The following KIAA1958 variants were observed in gnomAD, a reference collection of about 807,000 sequenced individuals.
KIAA1958 encodes the protein KIAA1958.
Under a neutral mutation model 47.2 loss-of-function variants are expected in KIAA1958, and 14 were observed. The ratio of observed to expected loss-of-function variants is 0.30; its 90% CI spans 0.20 to 0.46. KIAA1958 has a LOEUF of 0.46. Among genes scored for constraint, KIAA1958 ranks in the 20% least tolerant of loss-of-function variants. The pLI is 1.00. For synonymous variants in KIAA1958, 354 were observed against 353.3 expected (o/e 1.00, Z -0.02); for missense variants, 803 against 909.2 (o/e 0.88, Z 1.50).
chr9:112,615,380 A>G (rs1836392854), intron 2 of KIAA1958, among the ~76,000 whole-genome samples: 2 of 145,690 alleles, frequency 1.4e-5, no homozygotes. Flanking sequence ...AGATCATGCC[A>G]TTGCACTCCA....
intron 1 of KIAA1958, among the ~76,000 whole-genome samples, chr9:112,545,021 G>C (rs1330055800): frequency 6.6e-6 from 1 of 152,006 alleles, no homozygotes; most frequent in Non-Finnish European, 1.5e-5. Flanking sequence ...TTAGGATTCA[G>C]TTCATTAATG....
intron 1 of KIAA1958, among the ~76,000 whole-genome samples, chr9:112,492,149 A>G (rs1833980749): frequency 6.6e-6 from 1 of 152,232 alleles, no homozygotes; most frequent in South Asian, 2.1e-4. Context: ...ATAACAAAGA[A>G]TCACAGATTG....
intron 2 of KIAA1958, among the ~76,000 whole-genome samples, chr9:112,580,633 A>G (rs1835720163): frequency 6.6e-6 from 1 of 152,130 alleles, no homozygotes. Context: ...CTGAAAATAC[A>G]AAAATTAGCC....
intron 2 of KIAA1958, among the ~76,000 whole-genome samples, chr9:112,616,537 TAAAC>T (rs752749710): frequency 1.3e-5 from 2 of 152,218 alleles, no homozygotes; most frequent in South Asian, 2.1e-4. Context: ...ATAATTAAGA[TAAAC>T]AAAATACTTT....
intron 3 of KIAA1958, among the ~76,000 whole-genome samples, chr9:112,656,587 A>T (rs1421254834): frequency 6.6e-6 from 1 of 152,116 alleles, no homozygotes; most frequent in Non-Finnish European, 1.5e-5. Context: ...TTATATTTAT[A>T]TACTTTGGGT....
At position 112,499,949 on chromosome 9, in the gene KIAA1958, A is replaced by C. The variant is rs571412181; in HGVS notation, c.-25+12831A>C. Among the ~76,000 whole-genome samples, 10 of 151,846 alleles carry C rather than the reference A, an allele frequency of 6.6e-5. No individual in the cohort carries two copies. The East Asian group carries it at 1.9e-3, about 30-fold the overall frequency. ...GTGATCCACCCACCTCGGCCTCCCA[A>C]AATGTTGGGATTACAGGCGTGAGCC... is the stretch of plus-strand genomic sequence containing the variant. On this transcript the variant is annotated intron_variant, in intron 1 of 3. Transcript: ENST00000337530.
chr9:112,537,218 G>A (rs968145302), intron 1 of KIAA1958, among the ~76,000 whole-genome samples: 3 of 151,878 alleles, frequency 2.0e-5, no homozygotes, highest in Non-Finnish European at 2.9e-5. Context: ...TGATTCTCCC[G>A]CCTCAGCCTC....
intron 1 of KIAA1958, among the ~76,000 whole-genome samples, chr9:112,573,709 C>T (rs755442792): frequency 6.6e-6 from 1 of 152,212 alleles, no homozygotes; most frequent in Admixed American, 6.5e-5. Context: ...ACCTCTCTGT[C>T]AGTGACTTTG....
chr9:112,573,980 T>C, intron 1 of KIAA1958, 77 bp from the exon 2 acceptor site: 1 of 768,810 alleles, frequency 1.3e-6, no homozygotes, highest in Non-Finnish European at 2.1e-6. Flanking sequence ...TGATCATATT[T>C]GGAACAAACT....
At chr9:112,561,559 T>C (rs558869546) in intron 1 of KIAA1958, among the ~76,000 whole-genome samples, 2 of 152,226 alleles carry the variant, frequency 1.3e-5, no homozygotes, top group African/African-American at 4.8e-5. Context: ...ATGATTTCTC[T>C]TAAAAGAAAC....
chr9:112,635,635 C>G (rs2060904342), intron 2 of KIAA1958, among the ~76,000 whole-genome samples: 2 of 152,166 alleles, frequency 1.3e-5, no homozygotes, highest in South Asian at 4.1e-4. Flanking sequence ...AGATATTTGT[C>G]CATTTTATCC....
chr9:112,560,574 A>G (rs1213837392), intron 1 of KIAA1958, among the ~76,000 whole-genome samples: 1 of 152,118 alleles, frequency 6.6e-6, no homozygotes, highest in East Asian at 1.9e-4. Flanking sequence ...TTATATTACA[A>G]ATTATTTTAA....
intron 1 of KIAA1958, among the ~76,000 whole-genome samples, chr9:112,515,894 T>TAAAAAAAA (rs58492221): frequency 1.0e-4 from 10 of 97,102 alleles, no homozygotes; most frequent in African/African-American, 1.2e-4. Flanking sequence ...AAAAATAAAT[T>TAAAAAAAA]AAAAAAAAAA....
chr9:112,519,955 T>C (rs971632875), intron 1 of KIAA1958, among the ~76,000 whole-genome samples: 3 of 152,190 alleles, frequency 2.0e-5, no homozygotes, highest in African/African-American at 7.2e-5. Flanking sequence ...TTATACAATA[T>C]TGCAGGAAGT....
chr9:112,540,167 A>T (rs531760630), intron 1 of KIAA1958, among the ~76,000 whole-genome samples: 2 of 152,328 alleles, frequency 1.3e-5, no homozygotes, highest in Non-Finnish European at 2.9e-5. Flanking sequence ...ATATGGAAGG[A>T]TATATGATAG....
intron 1 of KIAA1958, among the ~76,000 whole-genome samples, chr9:112,536,991 A>T (rs920409312): frequency 2.6e-5 from 4 of 152,212 alleles, no homozygotes; most frequent in African/African-American, 9.7e-5. Flanking sequence ...CTACTTTAAT[A>T]TTAGAGACTC....
chr9:112,626,823 CAAA>C (rs35640010), intron 2 of KIAA1958, among the ~76,000 whole-genome samples: 4 of 133,928 alleles, frequency 3.0e-5, no homozygotes, highest in Non-Finnish European at 6.5e-5. Context: ...GCATTTGTTA[CAAA>C]AAAAAAAAAA....
intron 2 of KIAA1958, among the ~76,000 whole-genome samples, chr9:112,643,053 T>C (rs1364433536): frequency 3.3e-5 from 5 of 152,236 alleles, no homozygotes; most frequent in Non-Finnish European, 5.9e-5. Context: ...ACAGTAGTGG[T>C]CATCTAAACA....
In KIAA1958 at chr9:112,522,755, C is replaced by A. The variant is rs958236726; in HGVS notation, c.-25+35637C>A. Among the ~76,000 whole-genome samples the A allele has an allele frequency of 2.6e-5, 4 of 152,294 alleles. No individual in the cohort carries two copies. In the East Asian group the frequency reaches 7.7e-4, roughly 29 times the overall value. ...TCAGCCCCTTTACCCAGCCCTGAGA[C>A]TAAAGCTGGGCAAGATGAATGTTCT... On this transcript the variant is annotated intron_variant, in intron 1 of 3. Transcript: ENST00000337530.
Sources: allele counts gnomAD v4.1 joint callset (sites outside exome capture counted in the v4.1 genomes callset), GRCh38; gene constraint gnomAD v4.1.1; transcripts MANE v1.5; gene names NCBI Gene and HGNC (gene_info 2026-07-23, HGNC 2026-07-21).